Variants in RPA1 observed in about 807,000 individuals in gnomAD.
The protein encoded by RPA1 is replication protein A1.
In RPA1, 49 loss-of-function variants were observed where a neutral mutation model predicts 83.0. That is an observed-to-expected ratio of 0.59 (90% confidence interval 0.47 to 0.75). The LOEUF (loss-of-function observed/expected upper bound fraction) is 0.75, where lower values mean the gene tolerates loss of function less well. Among genes scored for constraint, RPA1 ranks in the 30% least tolerant of loss-of-function variants. The pLI is 0.00. For synonymous variants in RPA1, 279 were observed against 281.8 expected, an observed-to-expected ratio of 0.99 and a Z score of 0.10; for missense variants, 693 against 776.1, an observed-to-expected ratio of 0.89 and a Z score of 1.27.
At chr17:1,878,060 G>A (rs762439088) in intron 8 of RPA1, among the ~76,000 whole-genome samples, 12 of 152,044 alleles carry the variant, frequency 7.9e-5, no homozygotes, top group Non-Finnish European at 1.2e-4. Flanking sequence ...GTGAAACCCC[G>A]TTTATACTAA....
At chr17:1,873,449 C>T (rs1294701559) in intron 6 of RPA1, among the ~76,000 whole-genome samples, 4 of 152,072 alleles carry the variant, frequency 2.6e-5, no homozygotes, top group Non-Finnish European at 4.4e-5. Context: ...TTTTCTGTCA[C>T]GGCTTCACAT....
At chr17:1,872,652 G>T (rs1913417207) in intron 6 of RPA1, 126 bp downstream of exon 6, 17 of 1,133,236 alleles carry the variant, frequency 1.5e-5, no homozygotes, top group East Asian at 6.8e-5. Context: ...GTCTTGGAAA[G>T]AATAATTCTG....
At chr17:1,846,334 T>TC (rs1555586904) in intron 4 of RPA1, among the ~76,000 whole-genome samples, 4 of 137,518 alleles carry the variant, frequency 2.9e-5, no homozygotes, top group East Asian at 2.1e-4. Flanking sequence ...TTTTTTTTTT[T>TC]CTCCTGAGGC....
At chr17:1,897,030 C>A in intron 16 of RPA1, 41 bp from the exon 17 acceptor site, 1 of 1,519,422 alleles carries the variant, frequency 6.6e-7, no homozygotes. Flanking sequence ...TGCTCCACAC[C>A]ACACTTTCAC....
At chr17:1,844,988 C>T (rs1230131188) in intron 4 of RPA1, among the ~76,000 whole-genome samples, 7 of 152,070 alleles carry the variant, frequency 4.6e-5, no homozygotes, top group African/African-American at 1.7e-4. Flanking sequence ...GGGGTTTTGC[C>T]ATGTTGCCCA....
At chr17:1,868,297 G>A (rs1347568994) in intron 5 of RPA1, among the ~76,000 whole-genome samples, 2 of 152,150 alleles carry the variant, frequency 1.3e-5, no homozygotes, top group Non-Finnish European at 2.9e-5. Context: ...CTACCTCACG[G>A]GGCATTTCAC....
chr17:1,860,044 G>A (rs1398375704), intron 5 of RPA1, among the ~76,000 whole-genome samples: 3 of 152,130 alleles, frequency 2.0e-5, no homozygotes, highest in East Asian at 1.9e-4. Context: ...ATCTCTTGAC[G>A]TCATGATCTG....
chr17:1,848,887 T>TAA (rs1029354763), intron 4 of RPA1, among the ~76,000 whole-genome samples: 12 of 152,218 alleles, frequency 7.9e-5, no homozygotes, highest in Middle Eastern at 3.4e-3. Context: ...GGCAGAATAA[T>TAA]ACTCTGTTGT....
intron 1 of RPA1, among the ~76,000 whole-genome samples, chr17:1,838,087 T>C (rs895372060): frequency 3.3e-5 from 5 of 151,032 alleles, no homozygotes; most frequent in Admixed American, 2.0e-4. Context: ...AGGTCGAGAG[T>C]TCGAGACCAA....
chr17:1,847,142 T>A (rs1206302701), intron 4 of RPA1, among the ~76,000 whole-genome samples: 2 of 152,222 alleles, frequency 1.3e-5, no homozygotes, highest in African/African-American at 4.8e-5. Context: ...CATTGTTGTG[T>A]ATTGTATTGT....
At chr17:1,865,722 C>T (rs551632072) in intron 5 of RPA1, among the ~76,000 whole-genome samples, 2 of 152,238 alleles carry the variant, frequency 1.3e-5, no homozygotes, top group Admixed American at 6.5e-5. Context: ...TATATATTCT[C>T]GTTCCGTACT....
chr17:1,877,874 T>G (rs1913628631), intron 8 of RPA1, among the ~76,000 whole-genome samples: 1 of 152,200 alleles, frequency 6.6e-6, no homozygotes, highest in East Asian at 1.9e-4. Flanking sequence ...TGAGACAAAA[T>G]TCCTATGCCA....
chr17:1,872,497 C>A lies in RPA1; in HGVS notation c.425C>A (p.Pro142His). The A allele has an allele frequency of 1.2e-6, 2 of 1,613,984 alleles. No individual in the cohort carries two copies. The stretch of plus-strand genomic sequence containing the variant: ...GCCAGCCCAGCAGCAAGCAGCAGGC[C>A]CCAGCCGCAGAATGGAAGCTCGGGA... Reference protein sequence around the residue: ...PAASPAASSRPQPQNGSSGMG... With the variant: ...PAASPAASSRHQPQNGSSGMG... The change falls in exon 6 of 17, where the codon CCC becomes CAC. Residue 142 changes from proline to histidine, a missense_variant. Pro to His is a moderately conservative substitution (Grantham distance 77, BLOSUM62 -2). Transcript: ENST00000254719.
At chr17:1,840,599 C>G (rs938905023) in intron 1 of RPA1, among the ~76,000 whole-genome samples, 8 of 151,908 alleles carry the variant, frequency 5.3e-5, no homozygotes, top group Middle Eastern at 3.2e-3. Context: ...TTTATAGAGA[C>G]AGGTCTCCTT....
In RPA1 at chr17:1,900,068, T is replaced by G. The variant is rs1399503092; in HGVS notation, c.*2893T>G. On this transcript the variant is annotated 3_prime_UTR_variant, in exon 17 of 17. Coordinates refer to ENST00000254719, the MANE Select transcript of RPA1 (RefSeq NM_002945.5). The stretch of plus-strand genomic sequence containing the variant: ...TCACTTATTCAAAAAAACTGGTATT[T>G]TTGTTATTAAGACATTAAGTAAATG... The G allele has an allele frequency of 1.3e-5, 2 of 152,106 alleles. No individual in the cohort carries two copies. Among genetic ancestry groups the G allele is most frequent in the Admixed American group, 1.3e-4 (2 of 15,256 alleles). 9.4% of individuals were successfully genotyped at this position (152,106 alleles called of 1,614,324 possible).
Position 1,858,031 on chromosome 17 carries a change from T to C in RPA1, c.361+4842T>C, listed in dbSNP as rs1912779366. 9 of 1,610,448 alleles carry C rather than the reference T, an allele frequency of 5.6e-6. No homozygotes were observed. The South Asian group carries it at 8.8e-5, about 16-fold the overall frequency. On this transcript the variant is annotated intron_variant, in intron 5 of 16. Transcript: ENST00000254719. ...GTGTAGGAAGATGATGCTGGGAGCC[T>C]CCTTTCTTCACATGGCTGCCAGCCC...
intron 3 of RPA1, 76 bp downstream of exon 3, chr17:1,844,074 A>C: frequency 7.5e-7 from 1 of 1,327,026 alleles, no homozygotes; most frequent in Non-Finnish European, 1.1e-6. Flanking sequence ...TGGTTGCCAT[A>C]ATTTGGGGGC....
chr17:1,844,551 G>A (rs755096545), intron 3 of RPA1, 27 bp from the exon 4 acceptor site: 10 of 1,592,560 alleles, frequency 6.3e-6, no homozygotes, highest in Non-Finnish European at 8.6e-6. Context: ...GGATTTTGGA[G>A]GCTAAAGAAA....
intron 16 of RPA1, 34 bp downstream of exon 16, chr17:1,895,129 G>A (rs776842829): frequency 1.3e-6 from 2 of 1,560,300 alleles, no homozygotes; most frequent in South Asian, 2.2e-5. Flanking sequence ...GGTTGGTGGT[G>A]GGGAGGTGCT....
Sources: allele counts gnomAD v4.1 joint callset (sites outside exome capture counted in the v4.1 genomes callset), GRCh38; gene constraint gnomAD v4.1.1; transcripts MANE v1.5; gene names NCBI Gene and HGNC (gene_info 2026-07-23, HGNC 2026-07-21).